The following PTK2B variants were observed in gnomAD, a reference collection of about 807,000 sequenced individuals.
PTK2B encodes protein tyrosine kinase 2 beta.
In PTK2B, 71 loss-of-function variants were observed where a neutral mutation model predicts 142.9. The ratio of observed to expected loss-of-function variants is 0.50; its 90% CI spans 0.41 to 0.61. PTK2B has a LOEUF of 0.61. Ranked by LOEUF, PTK2B falls within the 20% of genes least tolerant of loss-of-function variation. The probability of loss-of-function intolerance (pLI) is 0.00; values close to 1 mark genes in which losing one functional copy is unlikely to be tolerated. For synonymous variants in PTK2B, 519 were observed against 503.4 expected (o/e 1.03, Z -0.42); for missense variants, 1,105 against 1,320.4 (o/e 0.84, Z 2.53).
intron 4 of PTK2B, 24 bp downstream of exon 4, chr8:27,420,768 C>G: frequency 6.4e-7 from 1 of 1,573,382 alleles, no homozygotes; most frequent in Non-Finnish European, 8.7e-7. Context: ...TATCTTCTTG[C>G]CCCGAGGCTC....
At chr8:27,373,628 G>A (rs1806490578) in intron 1 of PTK2B, among the ~76,000 whole-genome samples, 1 of 152,208 alleles carries the variant, frequency 6.6e-6, no homozygotes, top group East Asian at 1.9e-4. Context: ...GTTACAATGA[G>A]CTATGATCAC....
intron 4 of PTK2B, among the ~76,000 whole-genome samples, 198 bp downstream of exon 4, chr8:27,420,942 G>T (rs1809709900): frequency 6.6e-6 from 1 of 152,138 alleles, no homozygotes; most frequent in Non-Finnish European, 1.5e-5. Flanking sequence ...TTAAGCACTG[G>T]CTAAACTGCC....
At chr8:27,373,873 C>T (rs577340678) in intron 1 of PTK2B, among the ~76,000 whole-genome samples, 68 of 151,914 alleles carry the variant, frequency 4.5e-4, no homozygotes, top group African/African-American at 1.5e-3. Flanking sequence ...GTGAAAAATA[C>T]GCCTCTTGAA....
At chr8:27,387,551 G>T (rs147395049) in intron 1 of PTK2B, among the ~76,000 whole-genome samples, 1 of 152,270 alleles carries the variant, frequency 6.6e-6, no homozygotes, top group African/African-American at 2.4e-5. Context: ...CCATGTGATA[G>T]GGCCTTGTTG....
chr8:27,451,855 A>C (rs1586360951), intron 27 of PTK2B: 2 of 915,162 alleles, frequency 2.2e-6, no homozygotes, highest in South Asian at 2.6e-5. Context: ...AAGCAGTGCC[A>C]CCTGCCTGTC....
At chr8:27,337,821 T>C (rs545651500) in intron 1 of PTK2B, among the ~76,000 whole-genome samples, 13 of 152,232 alleles carry the variant, frequency 8.5e-5, no homozygotes, top group Non-Finnish European at 1.6e-4. Flanking sequence ...ACTGCTGCTA[T>C]AAACATTCAC....
intron 24 of PTK2B, among the ~76,000 whole-genome samples, chr8:27,449,429 G>GT (rs2085811438): frequency 6.6e-6 from 1 of 152,218 alleles, no homozygotes; most frequent in African/African-American, 2.4e-5. Context: ...ATTCAAGTGT[G>GT]TTTTGTAGGG....
At chr8:27,383,495 G>A (rs1258586022) in intron 1 of PTK2B, among the ~76,000 whole-genome samples, 3 of 152,022 alleles carry the variant, frequency 2.0e-5, no homozygotes, top group African/African-American at 4.8e-5. Flanking sequence ...TCCTGACCTC[G>A]TGATCTGCCC....
rs372930968 is a variant in PTK2B at position 27,441,011 on chromosome 8, C to G, written c.2039+570C>G. 1.5e-3 allele frequency among the ~76,000 whole-genome samples: 231 copies of G among 152,206 alleles called. 1 individual carries two copies. Among genetic ancestry groups the G allele is most frequent in the African/African-American group, 5.3e-3 (222 of 41,536 alleles). On this transcript the variant is annotated intron_variant, in intron 21 of 30. Coordinates refer to ENST00000346049, the MANE Select transcript of PTK2B (RefSeq NM_173176.3). Reference sequence around the variant, plus strand: ...CAGGGTCCCCCAGTTTTCTTGGTGGCAAGCCTGCCATTAGCCCTCCTGTGG... The same window carrying G: ...CAGGGTCCCCCAGTTTTCTTGGTGGGAAGCCTGCCATTAGCCCTCCTGTGG...
At chr8:27,447,580 C>T (rs1230051439) in intron 24 of PTK2B, among the ~76,000 whole-genome samples, 3 of 152,214 alleles carry the variant, frequency 2.0e-5, no homozygotes, top group Admixed American at 2.0e-4. Flanking sequence ...AATTCAAGGC[C>T]AGGCGTGGTG....
upstream of PTK2B, among the ~76,000 whole-genome samples, chr8:27,321,705 A>G (rs1169785586): frequency 6.6e-6 from 1 of 152,200 alleles, no homozygotes; most frequent in African/African-American, 2.4e-5. Context: ...ACTTAATCAC[A>G]TGGTCGCACC....
chr8:27,370,528 C>T (rs1806289049), intron 1 of PTK2B, among the ~76,000 whole-genome samples: 1 of 152,200 alleles, frequency 6.6e-6, no homozygotes, highest in Non-Finnish European at 1.5e-5. Context: ...CTCTCTTGTC[C>T]CTTACCTGTG....
intron 1 of PTK2B, among the ~76,000 whole-genome samples, chr8:27,362,864 G>A (rs535828829): frequency 1.3e-5 from 2 of 152,322 alleles, no homozygotes; most frequent in East Asian, 3.9e-4. Flanking sequence ...GCTCCCATGC[G>A]AAATCTAGAA....
chr8:27,318,931 G>A (rs554949672), intron 3 of PTK2B, among the ~76,000 whole-genome samples: 44 of 152,218 alleles, frequency 2.9e-4, no homozygotes, highest in African/African-American at 9.6e-4. Context: ...GATTACAGGC[G>A]TGAGCCACTG....
At chr8:27,427,382 T>A (rs1355862039) in intron 5 of PTK2B, among the ~76,000 whole-genome samples, 1 of 152,156 alleles carries the variant, frequency 6.6e-6, no homozygotes, top group Non-Finnish European at 1.5e-5. Flanking sequence ...GGCAAGGACA[T>A]GTCCCCGTGC....
chr8:27,435,053 T>A (rs1232293548), intron 13 of PTK2B, among the ~76,000 whole-genome samples: 1 of 152,078 alleles, frequency 6.6e-6, no homozygotes, highest in Non-Finnish European at 1.5e-5. Context: ...ACTTAGTACA[T>A]GGCTTAAGCA....
upstream of PTK2B, among the ~76,000 whole-genome samples, chr8:27,321,535 C>T (rs1803216701): frequency 1.3e-5 from 2 of 152,096 alleles, no homozygotes. Flanking sequence ...ATTAGGTACC[C>T]GGATTCTTAA....
intron 4 of PTK2B, 122 bp from the exon 5 acceptor site, chr8:27,422,182 G>C: frequency 1.1e-6 from 1 of 870,992 alleles, no homozygotes. Context: ...ATGCTTGTTT[G>C]TGGTGGGGTG....
intron 3 of PTK2B, among the ~76,000 whole-genome samples, chr8:27,317,714 T>C (rs1431776123): frequency 1.3e-5 from 2 of 152,234 alleles, no homozygotes; most frequent in African/African-American, 4.8e-5. Context: ...GGACATTTGT[T>C]CTCCCATTTG....
Sources: gnomAD v4.1 joint callset for allele counts (sites outside exome capture counted in the v4.1 genomes callset) on GRCh38, gnomAD v4.1.1 for gene constraint, MANE v1.5 for transcripts, NCBI Gene and HGNC (gene_info 2026-07-23, HGNC 2026-07-21) for gene names.